The following TSHZ3 variants were observed in gnomAD, a reference collection of about 807,000 sequenced individuals.
TSHZ3 encodes the protein teashirt homolog 3.
TSHZ3 carries 10 observed loss-of-function variants against 64.5 expected under a neutral mutation model. The observed-to-expected ratio is 0.16, with a 90% CI of 0.10 to 0.26. TSHZ3 has a LOEUF of 0.26. TSHZ3 is among the 10% of genes least tolerant of loss of function. The pLI is 1.00. For synonymous variants in TSHZ3, 608 were observed against 593.1 expected, an observed-to-expected ratio of 1.03 and a Z score of -0.36; for missense variants, 1,242 against 1,421.7, an observed-to-expected ratio of 0.87 and a Z score of 2.03.
Position 31,214,545 on chromosome 19 carries a change from T to C in TSHZ3, n.687-9467A>G, listed in dbSNP as rs539083581. Among the ~76,000 whole-genome samples, 11 of 152,338 alleles carry C rather than the reference T, an allele frequency of 7.2e-5. 1 individual carries two copies. The highest frequency in any genetic ancestry group is 2.6e-4 in the African/African-American group (11 of 41,590). On this transcript the variant is annotated intron_variant and non_coding_transcript_variant, in intron 4 of 6. Coordinates refer to the TSHZ3 transcript ENST00000651361. Reference sequence around the variant, plus strand: ...TCATACCTGGATAAGGCATTGCACCTAAGTTGACTGAGACTTATCACTTTC... The same window carrying C: ...TCATACCTGGATAAGGCATTGCACCCAAGTTGACTGAGACTTATCACTTTC...
chr19:31,181,984 G>A (rs1270271199), intron 5 of TSHZ3, among the ~76,000 whole-genome samples: 1 of 152,140 alleles, frequency 6.6e-6, no homozygotes, highest in African/African-American at 2.4e-5. Flanking sequence ...TGCTCCTGCA[G>A]GCATCTCCAC....
chr19:31,277,306 G>A lies in TSHZ3; in HGVS notation c.2487C>T (p.Ala829=), dbSNP rs758148300. ...SSTVTTAKTS[A]VVSFMSNSPL... ...GCGAGTTTGACATGAATGATACGAC[G>A]GCAGATGTCTTTGCCGTTGTCACCG... Residue 829 remains alanine, a synonymous_variant, in exon 2 of 2, where the codon GCC becomes GCT. Transcript: ENST00000240587. The surrounding 1 kb of genome is among the most constrained non-coding windows in gnomAD (Gnocchi z 4.5). The A allele has an allele frequency of 8.7e-6, 14 of 1,613,434 alleles. No homozygotes were observed. The highest frequency in any genetic ancestry group is 2.2e-5 in the East Asian group (1 of 44,852).
At chr19:31,245,156 T>C (rs1351963165) in intron 1 of TSHZ3, among the ~76,000 whole-genome samples, 1 of 152,160 alleles carries the variant, frequency 6.6e-6, no homozygotes, top group African/African-American at 2.4e-5. Context: ...TGCAAGTCAG[T>C]ATACAATAAA....
intron 4 of TSHZ3, among the ~76,000 whole-genome samples, chr19:31,213,286 G>A (rs1301967669): frequency 2.1e-5 from 3 of 141,234 alleles, no homozygotes; most frequent in Non-Finnish European, 4.5e-5. Context: ...GAACCTAGGA[G>A]GCAGAGGTTG....
intron 5 of TSHZ3, among the ~76,000 whole-genome samples, chr19:31,185,310 T>C (rs1250603386): frequency 6.6e-6 from 1 of 152,126 alleles, no homozygotes; most frequent in Non-Finnish European, 1.5e-5. Flanking sequence ...CAAAGGCAAC[T>C]TCTCCCTCGC....
intron 1 of TSHZ3, among the ~76,000 whole-genome samples, chr19:31,287,959 G>C (rs552813532): frequency 6.6e-6 from 1 of 152,104 alleles, no homozygotes; most frequent in South Asian, 2.1e-4. Flanking sequence ...TTTTGAGACA[G>C]GGTTATGCTC....
intron 5 of TSHZ3, among the ~76,000 whole-genome samples, chr19:31,163,923 A>G (rs552115369): frequency 1.3e-5 from 2 of 152,246 alleles, no homozygotes; most frequent in East Asian, 3.9e-4. Context: ...TTTCTCACTC[A>G]ATTTGTGCAA....
intron 1 of TSHZ3, among the ~76,000 whole-genome samples, chr19:31,288,171 G>C (rs1976498699): frequency 6.6e-6 from 1 of 152,074 alleles, no homozygotes. Flanking sequence ...AGCCGAAGGG[G>C]ATGGAGGAAG....
At chr19:31,176,966 ACTGGCAGT>A (rs1211879014) in intron 5 of TSHZ3, among the ~76,000 whole-genome samples, 1 of 152,152 alleles carries the variant, frequency 6.6e-6, no homozygotes, top group Non-Finnish European at 1.5e-5. Flanking sequence ...ACTTGGGAAA[ACTGGCAGT>A]ATCTACCATG....
intron 1 of TSHZ3, among the ~76,000 whole-genome samples, chr19:31,338,033 A>C (rs554930226): frequency 2.6e-5 from 4 of 152,246 alleles, no homozygotes; most frequent in Non-Finnish European, 4.4e-5. Context: ...CACATATTTA[A>C]TAGAATCCCT....
intron 4 of TSHZ3, among the ~76,000 whole-genome samples, chr19:31,213,640 G>A (rs1395904953): frequency 1.3e-5 from 2 of 152,120 alleles, no homozygotes; most frequent in African/African-American, 4.8e-5. Context: ...TGTTGGTAAC[G>A]GGGTGATTGC....
chr19:31,176,739 G>C (rs1056408955), intron 5 of TSHZ3, among the ~76,000 whole-genome samples: 1 of 152,168 alleles, frequency 6.6e-6, no homozygotes, highest in Admixed American at 6.5e-5. Flanking sequence ...GCCATGAGCT[G>C]TGATTGCACC....
At chr19:31,195,503 T>G (rs193051947) in intron 5 of TSHZ3, 1 of 152,194 alleles carries the variant, frequency 6.6e-6, no homozygotes, top group African/African-American at 2.4e-5. Flanking sequence ...AAAATTGCTT[T>G]TCAAAAGTGA....
intron 4 of TSHZ3, among the ~76,000 whole-genome samples, chr19:31,226,973 C>CTTTTTTT (rs1255178594): frequency 3.2e-4 from 22 of 68,146 alleles, no homozygotes; most frequent in African/African-American, 1.8e-3. Context: ...TTCTTTCTTT[C>CTTTTTTT]TTTCTTTTTT....
chr19:31,295,286 C>T (rs965562440), intron 1 of TSHZ3, among the ~76,000 whole-genome samples: 1 of 152,164 alleles, frequency 6.6e-6, no homozygotes, highest in Non-Finnish European at 1.5e-5. Flanking sequence ...TCTGTGTGAC[C>T]TGGCAATTCT....
intron 5 of TSHZ3, among the ~76,000 whole-genome samples, chr19:31,160,878 A>C (rs1286404678): frequency 6.6e-6 from 1 of 151,844 alleles, no homozygotes; most frequent in African/African-American, 2.4e-5. Context: ...GTCCAAATGA[A>C]TATATATATA....
At chr19:31,265,461 A>G (rs1454684850) in intron 1 of TSHZ3, among the ~76,000 whole-genome samples, 1 of 151,894 alleles carries the variant, frequency 6.6e-6, no homozygotes, top group African/African-American at 2.4e-5. Flanking sequence ...AAAGAAAAGA[A>G]AATCCCATAC....
intron 1 of TSHZ3, among the ~76,000 whole-genome samples, chr19:31,334,040 C>T (rs925413159): frequency 2.6e-5 from 4 of 152,158 alleles, no homozygotes; most frequent in Non-Finnish European, 4.4e-5. Context: ...GAACAGGGCT[C>T]ATGTTGCACG....
chr19:31,264,112 G>T (rs368582910), intron 1 of TSHZ3, among the ~76,000 whole-genome samples: 2 of 152,266 alleles, frequency 1.3e-5, no homozygotes, highest in South Asian at 2.1e-4. Flanking sequence ...AGGAGGCAGG[G>T]GTATCCAAAT....
Sources: allele counts gnomAD v4.1 joint callset (sites outside exome capture counted in the v4.1 genomes callset), GRCh38; gene constraint gnomAD v4.1.1; non-coding constraint Gnocchi (gnomAD v3.1); transcripts MANE v1.5; gene names NCBI Gene and HGNC (gene_info 2026-07-23, HGNC 2026-07-21).